Variants in MITF observed in about 807,000 individuals in gnomAD.
MITF encodes microphthalmia-associated transcription factor.
MITF carries 17 observed loss-of-function variants against 60.5 expected under a neutral mutation model. That is an observed-to-expected ratio of 0.28 (90% CI 0.19 to 0.42). MITF has a LOEUF of 0.42. Among genes scored for constraint, MITF ranks in the 10% least tolerant of loss-of-function variants. The pLI, the probability that MITF is intolerant of heterozygous loss-of-function variation, is 1.00. For missense variants in MITF, 622 were observed against 683.5 expected (o/e 0.91, Z 1.00); for synonymous variants, 260 against 248.5 (o/e 1.05, Z -0.43).
intron 2 of MITF, among the ~76,000 whole-genome samples, chr3:69,919,369 G>C (rs959652349): frequency 6.6e-6 from 1 of 152,116 alleles, no homozygotes; most frequent in African/African-American, 2.4e-5. Flanking sequence ...TGTAGCTTTT[G>C]TTTTGTTTTG....
chr3:69,808,712 G>T (rs1393985537), intron 1 of MITF, among the ~76,000 whole-genome samples: 1 of 152,098 alleles, frequency 6.6e-6, no homozygotes, highest in African/African-American at 2.4e-5. Context: ...AGGAAGCTGG[G>T]TAGGGTTCAC....
chr3:69,791,463 T>G (rs1279495325), intron 1 of MITF, among the ~76,000 whole-genome samples: 1 of 152,172 alleles, frequency 6.6e-6, no homozygotes, highest in African/African-American at 2.4e-5. Context: ...AAATCATTAT[T>G]TTGCAAGCAA....
intron 5 of MITF, among the ~76,000 whole-genome samples, chr3:69,947,956 A>T (rs2066141125): frequency 1.3e-5 from 2 of 152,194 alleles, no homozygotes; most frequent in African/African-American, 4.8e-5. Context: ...ACTCTGTTGA[A>T]TACAGTTTTT....
At chr3:69,882,562 CA>C (rs1365637180) in intron 2 of MITF, among the ~76,000 whole-genome samples, 1 of 151,310 alleles carries the variant, frequency 6.6e-6, no homozygotes, top group African/African-American at 2.4e-5. Context: ...GAATTAACAA[CA>C]ACAAAAAAAA....
Position 69,945,555 on chromosome 3 carries a change from G to A in MITF, c.763-3496G>A, listed in dbSNP as rs1318126297. On this transcript the variant is annotated intron_variant, in intron 5 of 9. Coordinates refer to ENST00000352241, the MANE Select transcript of MITF (RefSeq NM_001354604.2). ...AACTACAGAATCCTTTCTTTAAAATGCATGGCTAGGAGACACATTTTAAAT... is the reference window on the plus strand; with the variant it reads ...AACTACAGAATCCTTTCTTTAAAATACATGGCTAGGAGACACATTTTAAAT... Among the ~76,000 whole-genome samples the A allele has an allele frequency of 2.0e-5, 3 of 152,168 alleles. No individual in the cohort carries two copies. The East Asian group carries it at 5.8e-4, about 29-fold the overall frequency.
chr3:69,894,421 C>T (rs1318830195), intron 2 of MITF, among the ~76,000 whole-genome samples: 1 of 152,184 alleles, frequency 6.6e-6, no homozygotes, highest in East Asian at 1.9e-4. Context: ...CACAGTGGCT[C>T]ACGCCTGTAA....
chr3:69,879,374 A>G lies in MITF; in HGVS notation c.345A>G (p.Glu115=), dbSNP rs370482858. The G allele has an allele frequency of 9.2e-5, 149 of 1,614,104 alleles. No individual in the cohort carries two copies. Among genetic ancestry groups the G allele is most frequent in the Non-Finnish European group, 1.2e-4 (136 of 1,180,050 alleles). Residue 115 remains glutamate, a synonymous_variant, in exon 2 of 10, where the codon GAA becomes GAG. Coordinates refer to ENST00000352241, the MANE Select transcript of MITF (RefSeq NM_001354604.2). ...CCTCTGCCACGCAGGTGCCGATGGAAGTCCTTAAGGTACGTGAGTGTTGCT... is the reference window on the plus strand; with the variant it reads ...CCTCTGCCACGCAGGTGCCGATGGAGGTCCTTAAGGTACGTGAGTGTTGCT... The part of the protein sequence containing the change: ...TLPSATQVPM[E]VLKVQTHLEN...
At chr3:69,961,006 GGCTTTTGTT>G (rs2066528080) in intron 9 of MITF, among the ~76,000 whole-genome samples, 2 of 152,162 alleles carry the variant, frequency 1.3e-5, no homozygotes, top group African/African-American at 4.8e-5. Flanking sequence ...CCTCTACTTT[GGCTTTTGTT>G]GTTGGTTTTA....
At chr3:69,923,072 G>T (rs1446900344) in intron 2 of MITF, among the ~76,000 whole-genome samples, 1 of 152,142 alleles carries the variant, frequency 6.6e-6, no homozygotes, top group African/African-American at 2.4e-5. Context: ...TTATAATAAA[G>T]CACAAAAACA....
At position 69,967,529 on chromosome 3, in the gene MITF, TGG is replaced by T; in HGVS notation, c.*2282_*2283del. The stretch of plus-strand genomic sequence containing the variant: ...ACCTACGGCCACGGGAACAGGACCA[TGG>T]TTAAGCAACCATATAGAAAGCTTTG... On this transcript the variant is annotated 3_prime_UTR_variant, in exon 10 of 10. Transcript: ENST00000352241. The T allele has an allele frequency of 4.3e-6, 1 of 233,596 alleles. No homozygotes were observed. The highest frequency in any genetic ancestry group is 8.5e-6 in the Non-Finnish European group (1 of 117,892). The allele number at this position is 233,596 out of a possible 1,614,324, so 14.5% of individuals were successfully genotyped here. A position where few individuals can be genotyped will look rare whatever the true frequency, so the allele number is the denominator to read the frequency against.
At chr3:69,946,439 C>T (rs2066098063) in intron 5 of MITF, among the ~76,000 whole-genome samples, 1 of 152,142 alleles carries the variant, frequency 6.6e-6, no homozygotes, top group African/African-American at 2.4e-5. Context: ...TTGATACTCT[C>T]CCCACCCCCA....
intron 2 of MITF, among the ~76,000 whole-genome samples, chr3:69,922,396 A>G (rs1267898566): frequency 1.3e-5 from 2 of 151,874 alleles, no homozygotes; most frequent in Non-Finnish European, 2.9e-5. Context: ...TAATTTTTAT[A>G]TTTTTAGTAA....
chr3:69,757,997 ATGTGTGTG>A (rs60250386), intron 1 of MITF, among the ~76,000 whole-genome samples: 29 of 116,050 alleles, frequency 2.5e-4, no homozygotes, highest in East Asian at 4.6e-4. Flanking sequence ...ACCCTAGGGC[ATGTGTGTG>A]TGTGTGTGTG....
chr3:69,792,998 C>CTTTTTTTTTTTTTT (rs58440406), intron 1 of MITF, among the ~76,000 whole-genome samples: 1 of 31,094 alleles, frequency 3.2e-5, no homozygotes, highest in Non-Finnish European at 5.5e-5. Flanking sequence ...AAGTCTTTAG[C>CTTTTTTTTTTTTTT]TTTTTTTTTT....
rs547482877 is a variant in MITF at position 69,959,125 on chromosome 3, A to G, written c.1032-148A>G. On this transcript the variant is annotated intron_variant, in intron 8 of 9. Transcript: ENST00000352241. ...AAAATCACCACTAAAGAACTTATCC[A>G]TGTAACCAAGCACCACCTGTTCCCC... The G allele has an allele frequency of 3.0e-4, 284 of 936,930 alleles. 1 individual carries two copies. The African/African-American group carries it at 4.3e-3, about 14-fold the overall frequency. 58.0% of individuals were successfully genotyped at this position (936,930 alleles called of 1,614,324 possible).
chr3:69,792,275 A>C (rs895862617), intron 1 of MITF, among the ~76,000 whole-genome samples: 1 of 152,146 alleles, frequency 6.6e-6, no homozygotes, highest in African/African-American at 2.4e-5. Flanking sequence ...CTTCAATTTT[A>C]TTTCACTGCT....
chr3:69,788,598 A>G (rs2106905294), intron 1 of MITF, among the ~76,000 whole-genome samples: 1 of 152,306 alleles, frequency 6.6e-6, no homozygotes, highest in South Asian at 2.1e-4. Context: ...AACTTGACCC[A>G]GAAGTCTTTC....
chr3:69,958,587 A>G (rs1434279474), intron 8 of MITF, among the ~76,000 whole-genome samples: 5 of 152,088 alleles, frequency 3.3e-5, no homozygotes, highest in Non-Finnish European at 7.4e-5. Context: ...AAAAAAAAAA[A>G]TAGAAGGATG....
intron 1 of MITF, among the ~76,000 whole-genome samples, chr3:69,743,726 C>T (rs1703617948): frequency 6.6e-6 from 1 of 152,202 alleles, no homozygotes; most frequent in African/African-American, 2.4e-5. Context: ...AGGAAAAGCG[C>T]TGAATATCTA....
Sources: gnomAD v4.1 joint callset for allele counts (sites outside exome capture counted in the v4.1 genomes callset) on GRCh38, gnomAD v4.1.1 for gene constraint, MANE v1.5 for transcripts, NCBI Gene and HGNC (gene_info 2026-07-23, HGNC 2026-07-21) for gene names.